Variants in PDE11A observed in about 807,000 individuals in gnomAD.
PDE11A encodes the protein phosphodiesterase 11A, also known as dual 3',5'-cyclic-AMP and -GMP phosphodiesterase 11A.
PDE11A carries 100 observed loss-of-function variants against 100.5 expected under a neutral mutation model. The observed-to-expected ratio is 1.00, with a 90% confidence interval of 0.85 to 1.18. PDE11A has a LOEUF of 1.18. Ranked by LOEUF, PDE11A falls within the 50% of genes most tolerant of loss-of-function variation. PDE11A has a pLI of 0.00. For missense variants in PDE11A, 1,141 were observed against 1,152.6 expected (o/e 0.99, Z 0.15); for synonymous variants, 381 against 420.8 (o/e 0.91, Z 1.16).
intron 2 of PDE11A, among the ~76,000 whole-genome samples, chr2:178,087,910 T>G (rs34069002): frequency 0.099 from 15,009 of 152,112 alleles, 801 homozygotes; most frequent in African/African-American, 0.12. Flanking sequence ...TTTTTTTGTT[T>G]TTTTCTTTTT....
At chr2:177,854,045 C>T (rs2083784925) in intron 5 of PDE11A, among the ~76,000 whole-genome samples, 2 of 151,418 alleles carry the variant, frequency 1.3e-5, no homozygotes, top group South Asian at 2.1e-4. Flanking sequence ...GAGAGACCTA[C>T]TAAAGCAAGA....
chr2:177,794,538 T>C (rs1022862929), intron 9 of PDE11A, among the ~76,000 whole-genome samples: 2 of 152,166 alleles, frequency 1.3e-5, no homozygotes, highest in African/African-American at 4.8e-5. Context: ...ACTTGCTAAA[T>C]TAAGGAGCCA....
At chr2:178,108,288 A>T (rs913869013) in exon 1 of PDE11A, 1 of 152,278 alleles carries the variant, frequency 6.6e-6, no homozygotes, top group East Asian at 1.9e-4. Flanking sequence ...CCACGCCTCA[A>T]CTTCGAGGCT....
At position 177,765,220 on chromosome 2, in the gene PDE11A, C is replaced by T. The variant is rs117534842; in HGVS notation, c.1788+4103G>A. ...GCATTCTAGAATAGGGGGAGAAAAT[C>T]CCAAAACATAAAGGAGTATGAAACA... is the stretch of plus-strand genomic sequence containing the variant. On this transcript the variant is annotated intron_variant, in intron 10 of 19. Transcript: ENST00000286063. Among the ~76,000 whole-genome samples, 496 of 152,218 alleles carry T rather than the reference C, an allele frequency of 3.3e-3. 5 individuals are homozygous for T. In the East Asian group the frequency reaches 0.046, roughly 14 times the overall value.
chr2:178,072,560 T>C lies in PDE11A; in HGVS notation c.-123A>G, dbSNP rs2087151556. On this transcript the variant is annotated 5_prime_UTR_variant, in exon 1 of 20. Coordinates refer to ENST00000286063, the MANE Select transcript of PDE11A (RefSeq NM_016953.4). ...ATTCCCAGTTCAGCGCCACCTCCCC[T>C]GGAGATTATTCCCAGCAGTGGAATC... 1.3e-6 allele frequency: 2 copies of C among 1,538,400 alleles called. No homozygotes were observed. Among genetic ancestry groups the C allele is most frequent in the African/African-American group, 2.7e-5 (2 of 73,134 alleles).
chr2:177,721,267 T>C (rs1473729164), intron 12 of PDE11A, among the ~76,000 whole-genome samples: 1 of 152,186 alleles, frequency 6.6e-6, no homozygotes, highest in African/African-American at 2.4e-5. Context: ...ATCTGTCTCT[T>C]CACATGCAGT....
intron 2 of PDE11A, among the ~76,000 whole-genome samples, chr2:177,999,599 A>C (rs2086118730): frequency 6.6e-6 from 1 of 152,184 alleles, no homozygotes; most frequent in African/African-American, 2.4e-5. Flanking sequence ...GATGCTACCC[A>C]ATGCTATTAA....
At chr2:177,734,030 C>T (rs2081734450) in intron 10 of PDE11A, among the ~76,000 whole-genome samples, 1 of 152,228 alleles carries the variant, frequency 6.6e-6, no homozygotes, top group Non-Finnish European at 1.5e-5. Flanking sequence ...TGGGCCTATG[C>T]CAAGCGAGGG....
chr2:177,836,748 C>T (rs1382996418), intron 6 of PDE11A, among the ~76,000 whole-genome samples: 1 of 152,210 alleles, frequency 6.6e-6, no homozygotes, highest in African/African-American at 2.4e-5. Flanking sequence ...CACGAACTCA[C>T]CTGGAGGAAT....
intron 2 of PDE11A, among the ~76,000 whole-genome samples, chr2:178,002,860 T>C (rs1004667019): frequency 5.3e-5 from 8 of 152,206 alleles, no homozygotes; most frequent in African/African-American, 1.4e-4. Context: ...ACTGGCATTA[T>C]GAATTAATAT....
At chr2:177,923,912 A>G (rs1229224949) in intron 2 of PDE11A, among the ~76,000 whole-genome samples, 1 of 152,232 alleles carries the variant, frequency 6.6e-6, no homozygotes, top group African/African-American at 2.4e-5. Context: ...TGGCTCAAGC[A>G]ATATGTGTTA....
At chr2:178,024,757 A>G (rs1394054046) in intron 1 of PDE11A, among the ~76,000 whole-genome samples, 2 of 152,232 alleles carry the variant, frequency 1.3e-5, no homozygotes, top group African/African-American at 2.4e-5. Flanking sequence ...AGCTCAAAAA[A>G]TTGCTTTTAT....
At chr2:177,938,273 CTT>C (rs977252673) in intron 2 of PDE11A, among the ~76,000 whole-genome samples, 24 of 152,232 alleles carry the variant, frequency 1.6e-4, no homozygotes, top group African/African-American at 5.8e-4. Context: ...AGGGAAAAGA[CTT>C]ATCATCACAC....
chr2:177,720,759 T>C (rs2081514633), intron 12 of PDE11A, among the ~76,000 whole-genome samples: 1 of 152,210 alleles, frequency 6.6e-6, no homozygotes, highest in Admixed American at 6.5e-5. Flanking sequence ...CAAATATTGA[T>C]TTGGCATTAA....
At chr2:178,059,717 T>A (rs1322604700) in intron 1 of PDE11A, among the ~76,000 whole-genome samples, 1 of 152,178 alleles carries the variant, frequency 6.6e-6, no homozygotes, top group Non-Finnish European at 1.5e-5. Context: ...ACAGGAAGAA[T>A]CATCTCCCTG....
intron 5 of PDE11A, among the ~76,000 whole-genome samples, chr2:177,840,998 C>A (rs1273824812): frequency 6.6e-6 from 1 of 152,116 alleles, no homozygotes; most frequent in Admixed American, 6.5e-5. Context: ...AGCCCATATA[C>A]CACTTACAAA....
chr2:177,732,102 T>C (rs891036504), intron 10 of PDE11A, among the ~76,000 whole-genome samples: 2 of 152,224 alleles, frequency 1.3e-5, no homozygotes, highest in African/African-American at 2.4e-5. Context: ...CTTTGGTCTG[T>C]AGGCCCTTTG....
chr2:177,730,756 T>C (rs777300916), intron 10 of PDE11A, among the ~76,000 whole-genome samples: 4 of 152,190 alleles, frequency 2.6e-5, no homozygotes, highest in Non-Finnish European at 5.9e-5. Flanking sequence ...TTTGTCATTT[T>C]CTTCTCTTCT....
intron 9 of PDE11A, among the ~76,000 whole-genome samples, chr2:177,778,690 C>T (rs1326060250): frequency 1.3e-5 from 2 of 152,200 alleles, no homozygotes; most frequent in East Asian, 1.9e-4. Flanking sequence ...TGGAATAACC[C>T]GACAGAAGTG....
Sources: allele counts gnomAD v4.1 joint callset (sites outside exome capture counted in the v4.1 genomes callset), GRCh38; gene constraint gnomAD v4.1.1; transcripts MANE v1.5; gene names NCBI Gene and HGNC (gene_info 2026-07-23, HGNC 2026-07-21).